The following TXNDC11 variants were observed in gnomAD, a reference collection of about 807,000 sequenced individuals.
TXNDC11 encodes thioredoxin domain-containing protein 11.
A neutral mutation model predicts 78.0 loss-of-function variants in TXNDC11; 68 were observed. The observed-to-expected ratio is 0.87, with a 90% CI of 0.72 to 1.07. TXNDC11 has a LOEUF of 1.07. Ranked by LOEUF, TXNDC11 falls within the 50% of genes least tolerant of loss-of-function variation. The pLI is 0.00. For synonymous variants in TXNDC11, 571 were observed against 495.2 expected (o/e 1.15, Z -2.03); for missense variants, 1,389 against 1,221.8 (o/e 1.14, Z -2.04).
chr16:11,720,115 A>G (rs2141084919), intron 5 of TXNDC11, among the ~76,000 whole-genome samples: 1 of 152,310 alleles, frequency 6.6e-6, no homozygotes, highest in African/African-American at 2.4e-5. Flanking sequence ...ACAAGTGACA[A>G]GCTGTGGAGT....
rs144743616 is a variant in TXNDC11, at chr16:11,721,157, C to T, written c.793+420G>A. ...AATGTAATTATTAAAAATACACTGA[C>T]GGCTGGGCGCAGTGGCTCATGCCTG... On this transcript the variant is annotated intron_variant, in intron 5 of 11. Coordinates refer to ENST00000283033, the MANE Select transcript of TXNDC11 (RefSeq NM_015914.7). Among the ~76,000 whole-genome samples the T allele has an allele frequency of 6.6e-5, 10 of 151,934 alleles. No homozygotes were observed. The East Asian group carries it at 7.8e-4, about 12-fold the overall frequency.
intron 4 of TXNDC11, among the ~76,000 whole-genome samples, chr16:11,724,560 T>C (rs2051817043): frequency 6.6e-6 from 1 of 152,070 alleles, no homozygotes. Flanking sequence ...CCTCAGGAGT[T>C]CCAAACTAGC....
intron 5 of TXNDC11, among the ~76,000 whole-genome samples, chr16:11,707,208 C>T (rs968568609): frequency 6.6e-6 from 1 of 152,052 alleles, no homozygotes; most frequent in Admixed American, 6.5e-5. Context: ...GGGTGGATCA[C>T]CTGAGGTCAG....
chr16:11,720,321 T>C (rs1409132268), intron 5 of TXNDC11, among the ~76,000 whole-genome samples: 1 of 152,180 alleles, frequency 6.6e-6, no homozygotes, highest in Non-Finnish European at 1.5e-5. Flanking sequence ...AGAAATGTAT[T>C]GCTAAATTAC....
intron 4 of TXNDC11, among the ~76,000 whole-genome samples, chr16:11,721,990 A>G (rs2051721191): frequency 6.6e-6 from 1 of 152,030 alleles, no homozygotes; most frequent in South Asian, 2.1e-4. Context: ...TGACAGTACA[A>G]TTCTCCCAGG....
At chr16:11,739,057 C>A (rs2052316253) in intron 1 of TXNDC11, among the ~76,000 whole-genome samples, 1 of 152,020 alleles carries the variant, frequency 6.6e-6, no homozygotes, top group Non-Finnish European at 1.5e-5. Context: ...ATGTAAGCAT[C>A]AAATAATGCA....
chr16:11,695,530 C>T (rs2050835808), intron 7 of TXNDC11, among the ~76,000 whole-genome samples: 1 of 152,194 alleles, frequency 6.6e-6, no homozygotes, highest in Non-Finnish European at 1.5e-5. Context: ...TGCGTAAGTA[C>T]AGCGTTCATC....
At chr16:11,690,183 T>C (rs909245495) in intron 8 of TXNDC11, 1 of 152,226 alleles carries the variant, frequency 6.6e-6, no homozygotes, top group Non-Finnish European at 1.5e-5. Context: ...CTCCCTCCCG[T>C]TTCCAATGAG....
chr16:11,727,094 GAC>G (rs574036448), intron 4 of TXNDC11, among the ~76,000 whole-genome samples: 6 of 152,056 alleles, frequency 3.9e-5, no homozygotes, highest in Non-Finnish European at 8.8e-5. Flanking sequence ...TGTATTTCAG[GAC>G]ATCATCACTT....
At position 11,679,845 on chromosome 16, in the gene TXNDC11, G is replaced by T. The variant is rs755285782; in HGVS notation, c.2235-8C>A. On this transcript the variant is annotated splice_region_variant and splice_polypyrimidine_tract_variant and intron_variant, in intron 11 of 11. Coordinates refer to ENST00000283033, the MANE Select transcript of TXNDC11 (RefSeq NM_015914.7). This position sits in a 1 kb window ranked among gnomAD's most constrained non-coding sequence, Gnocchi z 4.6. ...TTCACACTTAGGTCCTTTCTGGAGA[G>T]AGAGGGAAAGGAAGCAAAGACAGGA... 30 of 1,600,790 alleles carry T rather than the reference G, an allele frequency of 1.9e-5. No individual in the cohort carries two copies. Among genetic ancestry groups the T allele is most frequent in the African/African-American group, 4.0e-5 (3 of 74,578 alleles).
At chr16:11,698,514 A>C (rs2050922017) in intron 6 of TXNDC11, among the ~76,000 whole-genome samples, 189 bp from the exon 7 acceptor site, 1 of 152,238 alleles carries the variant, frequency 6.6e-6, no homozygotes, top group African/African-American at 2.4e-5. Flanking sequence ...GGTTGAAAAA[A>C]CAAAAGTGGT....
At chr16:11,736,357 C>T in intron 1 of TXNDC11, 124 bp from the exon 2 acceptor site, 3 of 743,924 alleles carry the variant, frequency 4.0e-6, no homozygotes, top group Non-Finnish European at 6.6e-6. Flanking sequence ...GTCCCAAAAT[C>T]ACTGCCCTAG....
chr16:11,719,744 A>G (rs2051646985), intron 5 of TXNDC11, among the ~76,000 whole-genome samples: 1 of 152,224 alleles, frequency 6.6e-6, no homozygotes, highest in African/African-American at 2.4e-5. Context: ...GAAATCTTAC[A>G]GTCTAGGGAA....
chr16:11,687,878 A>G lies in TXNDC11; in HGVS notation c.2132T>C (p.Met711Thr), dbSNP rs745430758. 7.4e-6 allele frequency: 12 copies of G among 1,613,520 alleles called. No homozygotes were observed. The highest frequency in any genetic ancestry group is 2.2e-5 in the East Asian group (1 of 44,876). The part of the protein sequence containing the change: ...IFIQLARNLP[M>T]DTFTVARIDV... ...TTACCTTGCCACAGTGAATGTGTCC[A>G]TGGGCAGGTTCCGAGCTAGCTGGAT... Residue 711 changes from methionine (M) to threonine (T), a missense_variant, in exon 10 of 12, where the codon ATG becomes ACG. Met to Thr is a moderately conservative substitution (Grantham distance 81, BLOSUM62 -1). Coordinates refer to ENST00000283033, the MANE Select transcript of TXNDC11 (RefSeq NM_015914.7).
chr16:11,717,121 A>C, intron 5 of TXNDC11, among the ~76,000 whole-genome samples: 1 of 151,748 alleles, frequency 6.6e-6, no homozygotes, highest in Non-Finnish European at 1.5e-5. Context: ...AAAAAAAAAA[A>C]AAGCAAGAAA....
chr16:11,730,591 T>C, intron 4 of TXNDC11, 54 bp downstream of exon 4: 1 of 1,581,964 alleles, frequency 6.3e-7, no homozygotes, highest in Non-Finnish European at 8.6e-7. Flanking sequence ...AACAATCCAA[T>C]ACAACCCCGT....
At chr16:11,692,514 A>G (rs1394081785) in intron 7 of TXNDC11, among the ~76,000 whole-genome samples, 3 of 152,204 alleles carry the variant, frequency 2.0e-5, no homozygotes, top group Non-Finnish European at 2.9e-5. Flanking sequence ...GTGAAACGGC[A>G]AAAGTCTCAA....
intron 4 of TXNDC11, among the ~76,000 whole-genome samples, chr16:11,727,337 C>A (rs1303801567): frequency 2.0e-5 from 3 of 151,100 alleles, no homozygotes; most frequent in Middle Eastern, 3.4e-3. Flanking sequence ...CAAAAAAAAA[C>A]CAATCCTTCA....
intron 5 of TXNDC11, among the ~76,000 whole-genome samples, chr16:11,703,073 A>G (rs1017031152): frequency 1.2e-4 from 18 of 152,158 alleles, no homozygotes; most frequent in African/African-American, 4.1e-4. Context: ...GATGTATCAC[A>G]CACCCTTCAC....
Sources: allele counts gnomAD v4.1 joint callset (sites outside exome capture counted in the v4.1 genomes callset), GRCh38; gene constraint gnomAD v4.1.1; non-coding constraint Gnocchi (gnomAD v3.1); transcripts MANE v1.5; gene names NCBI Gene and HGNC (gene_info 2026-07-23, HGNC 2026-07-21).